The following TMEM161A variants were observed in gnomAD, a reference collection of about 807,000 sequenced individuals.
TMEM161A encodes transmembrane protein 161A.
TMEM161A carries 46 observed loss-of-function variants against 57.1 expected under a neutral mutation model. The ratio of observed to expected loss-of-function variants is 0.81; its 90% CI spans 0.64 to 1.03. The LOEUF (loss-of-function observed/expected upper bound fraction) is 1.03, where lower values mean the gene tolerates loss of function less well. Ranked by LOEUF, TMEM161A falls within the 50% of genes least tolerant of loss-of-function variation. The pLI is 0.00. For synonymous variants in TMEM161A, 288 were observed against 279.0 expected, an observed-to-expected ratio of 1.03 and a Z score of -0.32; for missense variants, 601 against 621.5, an observed-to-expected ratio of 0.97 and a Z score of 0.35.
intron 1 of TMEM161A, among the ~76,000 whole-genome samples, chr19:19,135,729 A>G (rs2059982103): frequency 6.6e-6 from 1 of 152,082 alleles, no homozygotes; most frequent in Admixed American, 6.6e-5. Context: ...GGCACTCGCC[A>G]CCATACCCAA....
chr19:19,120,254 G>C, intron 11 of TMEM161A, 71 bp from the exon 12 acceptor site: 4 of 1,307,552 alleles, frequency 3.1e-6, no homozygotes, highest in Non-Finnish European at 3.1e-6. Flanking sequence ...GGCTGGCACG[G>C]GGGGCCAGGC....
chr19:19,132,625 AG>A lies in TMEM161A; in HGVS notation c.286+31del. 1 of 1,554,848 alleles carries A rather than the reference AG, an allele frequency of 6.4e-7. No individual in the cohort carries two copies. Among genetic ancestry groups the A allele is most frequent in the East Asian group, 2.3e-5 (1 of 44,298 alleles). ...GTGTGGAGACCTTCAGGGCTGAGGG[AG>A]TAGAGTTTAGGGATGGGACTGGGCT... On this transcript the variant is annotated intron_variant, in intron 4 of 11. Transcript: ENST00000162044. This position sits in a 1 kb window ranked among gnomAD's most constrained non-coding sequence, Gnocchi z 4.3.
Position 19,121,274 on chromosome 19 carries a change from C to A in TMEM161A, c.914+34G>T. On this transcript the variant is annotated intron_variant, in intron 9 of 11. Transcript: ENST00000162044. This position sits in a 1 kb window ranked among gnomAD's most constrained non-coding sequence, Gnocchi z 5.8. ...TCAGAGGCTAGGGCACCCAGGGGAG[C>A]CCCAGCTACCTCCTAGCCCCACCCA... is the stretch of plus-strand genomic sequence containing the variant. 1 of 1,552,918 alleles carries A rather than the reference C, an allele frequency of 6.4e-7. No homozygotes were observed. The highest frequency in any genetic ancestry group is 8.7e-7 in the Non-Finnish European group (1 of 1,147,580).
chr19:19,137,136 A>G (rs1004397762), intron 1 of TMEM161A, among the ~76,000 whole-genome samples: 9 of 151,944 alleles, frequency 5.9e-5, no homozygotes, highest in African/African-American at 2.2e-4. Context: ...CCATCATCCC[A>G]TACCCTTCCA....
rs756791 is a variant in TMEM161A, at chr19:19,120,059, A to G, written c.1311T>C (p.Ala437=). 0.84 allele frequency: 1,337,320 copies of G among 1,596,734 alleles called. 560,726 individuals carry two copies. Among genetic ancestry groups the G allele is most frequent in the East Asian group, 0.93 (41,059 of 44,240 alleles). The change falls in exon 12 of 12, where the codon GCT becomes GCC. Residue 437 remains alanine (A), a synonymous_variant. Transcript: ENST00000162044. ...AGAGGGGAGTAAGCAGGCCACCCAGAGCCCCGGCAATCCGCGCTGCAGTCT... is the reference window on the plus strand; with the variant it reads ...AGAGGGGAGTAAGCAGGCCACCCAGGGCCCCGGCAATCCGCGCTGCAGTCT... ...VQQTAARIAG[A]LGGLLTPLFL... is the part of the protein sequence containing the mutation.
At chr19:19,125,879 A>AGCACTTTG (rs2059928406) in intron 6 of TMEM161A, among the ~76,000 whole-genome samples, 1 of 151,980 alleles carries the variant, frequency 6.6e-6, no homozygotes, top group Non-Finnish European at 1.5e-5. Context: ...CTGTAATCCC[A>AGCACTTTG]GCACTTTGGG....
chr19:19,133,179 C>T lies in TMEM161A; in HGVS notation c.139G>A (p.Glu47Lys), dbSNP rs760189931. ...GGCTTCCCCGCCAGGGCCCGAAGCT[C>T]CTCCTCAGACGGGTGCTTGTATCGG... The part of the protein sequence containing the change: ...LFRYKHPSEE[E>K]LRALAGKPRP... Residue 47 changes from glutamate (E) to lysine (K), a missense_variant, in exon 3 of 12, where the codon GAG (glutamate) becomes AAG (lysine). By Grantham distance (56) the Glu-to-Lys change is moderately conservative. Transcript: ENST00000162044. 23 of 1,614,024 alleles carry T rather than the reference C, an allele frequency of 1.4e-5. No individual in the cohort carries two copies. Among genetic ancestry groups the T allele is most frequent in the Admixed American group, 3.3e-5 (2 of 59,992 alleles).
At chr19:19,130,876 TTGCACCAC>T (rs1490136642) in intron 5 of TMEM161A, among the ~76,000 whole-genome samples, 1 of 151,380 alleles carries the variant, frequency 6.6e-6, no homozygotes, top group Admixed American at 6.6e-5. Flanking sequence ...TGAGCCCTGA[TTGCACCAC>T]TGCACTCCAG....
intron 5 of TMEM161A, among the ~76,000 whole-genome samples, chr19:19,131,990 C>T (rs1191601707): frequency 1.3e-5 from 2 of 152,158 alleles, no homozygotes; most frequent in African/African-American, 2.4e-5. Context: ...TGCCAAGGGA[C>T]CATATCTTTC....
chr19:19,125,700 T>G (rs987317360), intron 6 of TMEM161A, among the ~76,000 whole-genome samples: 8 of 152,028 alleles, frequency 5.3e-5, no homozygotes, highest in African/African-American at 1.7e-4. Flanking sequence ...GTATTTTTAG[T>G]AGAGACGGGG....
Position 19,121,278 on chromosome 19 carries a change from A to C in TMEM161A, c.914+30T>G, listed in dbSNP as rs1599702777. On this transcript the variant is annotated intron_variant, in intron 9 of 11. Coordinates refer to ENST00000162044, the MANE Select transcript of TMEM161A (RefSeq NM_017814.3). The surrounding 1 kb of genome is among the most constrained non-coding windows in gnomAD (Gnocchi z 5.8). ...AGGCTAGGGCACCCAGGGGAGCCCC[A>C]GCTACCTCCTAGCCCCACCCAATAC... is the stretch of plus-strand genomic sequence containing the variant. 1 of 1,553,616 alleles carries C rather than the reference A, an allele frequency of 6.4e-7. No homozygotes were observed. Among genetic ancestry groups the C allele is most frequent in the Non-Finnish European group, 8.7e-7 (1 of 1,148,038 alleles).
At chr19:19,130,378 G>A (rs2146334891) in intron 5 of TMEM161A, 71 bp from the exon 6 acceptor site, 1 of 1,584,522 alleles carries the variant, frequency 6.3e-7, no homozygotes, top group South Asian at 1.1e-5. Flanking sequence ...ACTCCGTCTG[G>A]GACCCCAGAA....
chr19:19,120,149 T>A lies in TMEM161A; in HGVS notation c.1221A>T (p.Leu407=). 1 of 1,559,566 alleles carries A rather than the reference T, an allele frequency of 6.4e-7. No homozygotes were observed. Among genetic ancestry groups the A allele is most frequent in the East Asian group, 2.4e-5 (1 of 42,368 alleles). The part of the protein sequence containing the change: ...GYSWGLGPAP[L]LSPDPSSASA... Reference sequence around the variant, plus strand: ...TGGCTGAGGATGGGTCGGGGGATAGTAGAGGAGCTGGGCCCAGGCCCCAGG... The same window carrying A: ...TGGCTGAGGATGGGTCGGGGGATAGAAGAGGAGCTGGGCCCAGGCCCCAGG... The change falls in exon 12 of 12, where the codon CTA becomes CTT. Residue 407 remains leucine (L), a synonymous_variant. Coordinates refer to ENST00000162044, the MANE Select transcript of TMEM161A (RefSeq NM_017814.3).
At chr19:19,120,625 G>C in intron 11 of TMEM161A, 140 bp downstream of exon 11, 1 of 777,082 alleles carries the variant, frequency 1.3e-6, no homozygotes, top group Non-Finnish European at 2.1e-6. Context: ...TTCCTGCTCA[G>C]ACCCTGCCTT....
intron 11 of TMEM161A, 94 bp downstream of exon 11, chr19:19,120,668 CTCT>C: frequency 3.4e-6 from 4 of 1,172,244 alleles, no homozygotes; most frequent in Non-Finnish European, 5.0e-6. Context: ...TAGGCCCCGC[CTCT>C]CCCCCCCCAC....
chr19:19,120,883 G>A (rs1457347697), intron 10 of TMEM161A, 22 bp from the exon 11 acceptor site: 3 of 1,612,202 alleles, frequency 1.9e-6, no homozygotes, highest in Non-Finnish European at 2.5e-6. Context: ...TAGCAGGGGT[G>A]GCTGCAGCAG....
chr19:19,132,160 C>G lies in TMEM161A; in HGVS notation c.443+192G>C, dbSNP rs1309998140. 6.6e-6 allele frequency among the ~76,000 whole-genome samples: 1 copy of G among 152,180 alleles called. No individual in the cohort carries two copies. The highest frequency in any genetic ancestry group is 1.5e-5 in the Non-Finnish European group (1 of 68,042). The stretch of plus-strand genomic sequence containing the variant: ...CATGACCATGTGGAGTGGAGATGAA[C>G]CGACCTGCTGAGCCCAGCCCAGTCT... On this transcript the variant is annotated intron_variant, in intron 5 of 11. Coordinates refer to ENST00000162044, the MANE Select transcript of TMEM161A (RefSeq NM_017814.3). This position sits in a 1 kb window ranked among gnomAD's most constrained non-coding sequence, Gnocchi z 4.3.
At chr19:19,135,951 A>G (rs138325374) in intron 1 of TMEM161A, among the ~76,000 whole-genome samples, 3,284 of 150,580 alleles carry the variant, frequency 0.022, 112 homozygotes, top group African/African-American at 0.075. Context: ...GGCTCAAGTG[A>G]TCCTCCCACC....
At chr19:19,127,585 A>G (rs61271332) in intron 6 of TMEM161A, among the ~76,000 whole-genome samples, 14 of 151,772 alleles carry the variant, frequency 9.2e-5, no homozygotes, top group African/African-American at 3.1e-4. Flanking sequence ...GCCTCCCAAA[A>G]TGCTGGGATT....
Sources: gnomAD v4.1 joint callset for allele counts (sites outside exome capture counted in the v4.1 genomes callset) on GRCh38, gnomAD v4.1.1 for gene constraint, Gnocchi (gnomAD v3.1) non-coding constraint, MANE v1.5 for transcripts, NCBI Gene and HGNC (gene_info 2026-07-23, HGNC 2026-07-21) for gene names.